The following NCAM2 variants were observed in gnomAD, a reference collection of about 807,000 sequenced individuals.
NCAM2 encodes neural cell adhesion molecule 2.
NCAM2 carries 30 observed loss-of-function variants against 98.1 expected under a neutral mutation model. The ratio of observed to expected loss-of-function variants is 0.31; its 90% CI spans 0.23 to 0.41. The LOEUF (loss-of-function observed/expected upper bound fraction) is 0.41. NCAM2 is among the 10% of genes least tolerant of loss of function. The pLI is 1.00. For missense variants in NCAM2, 867 were observed against 1,005.8 expected (o/e 0.86, Z 1.87); for synonymous variants, 368 against 342.4 (o/e 1.07, Z -0.83).
Position 21,541,917 on chromosome 21 carries a change from ATTAT to A in NCAM2, c.*3969_*3972del, listed in dbSNP as rs534857831. 1.3e-5 allele frequency: 2 copies of A among 151,932 alleles called. No individual in the cohort carries two copies. Among genetic ancestry groups the A allele is most frequent in the African/African-American group, 4.8e-5 (2 of 41,534 alleles). The allele number at this position is 151,932 out of a possible 1,614,324, so 9.4% of individuals were successfully genotyped here. On this transcript the variant is annotated 3_prime_UTR_variant, in exon 18 of 18. Coordinates refer to ENST00000400546, the MANE Select transcript of NCAM2 (RefSeq NM_004540.5). ...TATTTTTAACAATAAGTTTGTTAGC[ATTAT>A]TTATTTATCTTTAGAGAGAAAATAT...
chr21:21,259,981 T>A, intron 1 of NCAM2, among the ~76,000 whole-genome samples: 1 of 143,450 alleles, frequency 7.0e-6, no homozygotes, highest in African/African-American at 2.6e-5. Flanking sequence ...ATTCAGGATG[T>A]GAAAGACAAG....
At position 21,541,555 on chromosome 21, in the gene NCAM2, T is replaced by G. The variant is rs1031881843; in HGVS notation, c.*3598T>G. On this transcript the variant is annotated 3_prime_UTR_variant, in exon 18 of 18. Coordinates refer to ENST00000400546, the MANE Select transcript of NCAM2 (RefSeq NM_004540.5). ...GTAAGACAAAGACAACAGATAACTT[T>G]TGAAAATCAAGCAAATTACTATGGT... 2.6e-5 allele frequency: 4 copies of G among 151,668 alleles called. No homozygotes were observed. The allele number at this position is 151,668 out of a possible 1,614,324, so 9.4% of individuals were successfully genotyped here. A position where few individuals can be genotyped will look rare whatever the true frequency, so the allele number is the denominator to read the frequency against.
intron 1 of NCAM2, among the ~76,000 whole-genome samples, chr21:21,265,542 TA>T (rs2072234153): frequency 6.8e-6 from 1 of 148,012 alleles, no homozygotes; most frequent in South Asian, 2.1e-4. Context: ...TGTGTATGTA[TA>T]TATGTATGTA....
chr21:21,248,640 G>A (rs796487106), intron 1 of NCAM2, among the ~76,000 whole-genome samples: 40 of 151,842 alleles, frequency 2.6e-4, no homozygotes, highest in African/African-American at 8.9e-4. Flanking sequence ...AGCTGGGCGT[G>A]GTGGCGGGCG....
At chr21:21,035,835 C>T (rs2064786050) in intron 1 of NCAM2, among the ~76,000 whole-genome samples, 1 of 152,090 alleles carries the variant, frequency 6.6e-6, no homozygotes, top group Non-Finnish European at 1.5e-5. Flanking sequence ...AAGCAGTTTA[C>T]CTTGGACAAG....
chr21:21,002,580 G>A lies in NCAM2; in HGVS notation c.55+3962G>A, dbSNP rs147398211. Among the ~76,000 whole-genome samples, 17 of 152,214 alleles carry A rather than the reference G, an allele frequency of 1.1e-4. No homozygotes were observed. In the East Asian group the frequency reaches 2.9e-3, roughly 26 times the overall value. Reference sequence around the variant, plus strand: ...TCGACAATCTGAAGACTCTGGAACTGGTCCTCCTGCATTCTCTGTCTTTTA... The same window carrying A: ...TCGACAATCTGAAGACTCTGGAACTAGTCCTCCTGCATTCTCTGTCTTTTA... On this transcript the variant is annotated intron_variant, in intron 1 of 17. Transcript: ENST00000400546.
chr21:21,125,419 A>ATATATGTAATATATAATATATTACATG (rs2066775514), intron 1 of NCAM2, among the ~76,000 whole-genome samples: 2 of 137,776 alleles, frequency 1.5e-5, no homozygotes, highest in African/African-American at 2.6e-5. Context: ...TATTTTACAT[A>ATATATGTAATATATAATATATTACATG]TATTCATACA....
At chr21:20,999,714 T>C (rs1031819762) in intron 1 of NCAM2, among the ~76,000 whole-genome samples, 27 of 152,348 alleles carry the variant, frequency 1.8e-4, no homozygotes, top group African/African-American at 4.8e-4. Context: ...CCCCAAGATA[T>C]TCAGTTCTAA....
At chr21:21,390,105 C>A (rs910509805) in intron 9 of NCAM2, among the ~76,000 whole-genome samples, 3 of 152,160 alleles carry the variant, frequency 2.0e-5, no homozygotes, top group African/African-American at 7.2e-5. Flanking sequence ...TCCTCGGCCT[C>A]CCAAAGTGCT....
At chr21:21,310,002 T>A (rs2073995711) in intron 5 of NCAM2, among the ~76,000 whole-genome samples, 1 of 152,188 alleles carries the variant, frequency 6.6e-6, no homozygotes, top group Non-Finnish European at 1.5e-5. Context: ...GAAACTGATA[T>A]TTTTAGATAT....
intron 9 of NCAM2, among the ~76,000 whole-genome samples, chr21:21,401,934 C>T (rs997815461): frequency 6.6e-6 from 1 of 152,172 alleles, no homozygotes; most frequent in Non-Finnish European, 1.5e-5. Context: ...TTTATCACTT[C>T]CCTAATAATA....
chr21:21,420,015 A>G (rs1471179245), intron 11 of NCAM2, among the ~76,000 whole-genome samples: 1 of 152,112 alleles, frequency 6.6e-6, no homozygotes, highest in Admixed American at 6.6e-5. Flanking sequence ...CATCCTCTCC[A>G]GCACCTGTTG....
chr21:21,020,653 CT>C (rs1013796657), intron 1 of NCAM2, among the ~76,000 whole-genome samples: 3 of 152,214 alleles, frequency 2.0e-5, no homozygotes, highest in South Asian at 2.1e-4. Context: ...CGGGACTTGG[CT>C]GGTGGAGTTC....
At chr21:21,215,091 A>G (rs1413845533) in intron 1 of NCAM2, among the ~76,000 whole-genome samples, 2 of 152,010 alleles carry the variant, frequency 1.3e-5, no homozygotes, top group African/African-American at 4.8e-5. Context: ...TGATCATTTT[A>G]TTTGTGATGA....
chr21:21,459,477 A>C lies in NCAM2; in HGVS notation c.1655-7129A>C, dbSNP rs370474542. On this transcript the variant is annotated intron_variant, in intron 12 of 17. Transcript: ENST00000400546. ...ATATATAATATATATACACACATAT[A>C]ATATTCCTGTATGCATACATATGTG... 2.7e-5 allele frequency among the ~76,000 whole-genome samples: 4 copies of C among 148,388 alleles called. No homozygotes were observed. The South Asian group carries it at 8.4e-4, about 31-fold the overall frequency.
At chr21:21,434,445 C>A (rs1031617362) in intron 12 of NCAM2, among the ~76,000 whole-genome samples, 9 of 152,088 alleles carry the variant, frequency 5.9e-5, no homozygotes, top group Admixed American at 3.9e-4. Context: ...AGCATTAGTA[C>A]TTTTTTCTGT....
intron 17 of NCAM2, among the ~76,000 whole-genome samples, chr21:21,536,642 G>A (rs994353901): frequency 2.6e-5 from 4 of 151,888 alleles, no homozygotes; most frequent in Non-Finnish European, 5.9e-5. Flanking sequence ...CGCCCGCCTT[G>A]GCCTCCCAAA....
At chr21:21,276,507 G>A (rs1386365816) in intron 1 of NCAM2, among the ~76,000 whole-genome samples, 1 of 151,940 alleles carries the variant, frequency 6.6e-6, no homozygotes, top group African/African-American at 2.4e-5. Context: ...TTTATGGATA[G>A]CTATCAAATG....
At chr21:21,047,867 T>C (rs1304040167) in intron 1 of NCAM2, among the ~76,000 whole-genome samples, 1 of 152,182 alleles carries the variant, frequency 6.6e-6, no homozygotes, top group Non-Finnish European at 1.5e-5. Flanking sequence ...GTCCTACAAA[T>C]CATAAATTCT....
Sources: allele counts gnomAD v4.1 joint callset (sites outside exome capture counted in the v4.1 genomes callset), GRCh38; gene constraint gnomAD v4.1.1; transcripts MANE v1.5; gene names NCBI Gene and HGNC (gene_info 2026-07-23, HGNC 2026-07-21).